Variants in TBC1D19 observed in about 807,000 individuals in gnomAD.
TBC1D19 encodes the protein TBC1 domain family, member 19.
TBC1D19 carries 60 observed loss-of-function variants against 89.0 expected under a neutral mutation model. That is an observed-to-expected ratio of 0.67 (90% confidence interval 0.55 to 0.84). The LOEUF is 0.84. Among genes scored for constraint, TBC1D19 ranks in the 40% least tolerant of loss-of-function variants. TBC1D19 has a pLI of 0.00. For missense variants in TBC1D19, 500 were observed against 610.8 expected (o/e 0.82, Z 1.91); for synonymous variants, 189 against 199.7 (o/e 0.95, Z 0.45).
chr4:26,836,749 T>G, the TBC1D19 span, among the ~76,000 whole-genome samples: 1 of 152,186 alleles, frequency 6.6e-6, no homozygotes, highest in African/African-American at 2.4e-5. Flanking sequence ...GCAGCAGCTT[T>G]CCAGCAGTTC....
intron 19 of TBC1D19, among the ~76,000 whole-genome samples, chr4:26,752,417 A>T (rs1194216795): frequency 7.3e-5 from 11 of 151,544 alleles, no homozygotes. Context: ...CTTATTTTTT[A>T]AATTTTTTGT....
At chr4:26,793,356 C>T in the TBC1D19 span, among the ~76,000 whole-genome samples, 209 of 152,268 alleles carry the variant, frequency 1.4e-3, 1 homozygote, top group African/African-American at 4.9e-3. Flanking sequence ...GTTTATTTGC[C>T]CACATAACTA....
chr4:26,750,632 C>T (rs551645528), intron 19 of TBC1D19, among the ~76,000 whole-genome samples: 17 of 152,164 alleles, frequency 1.1e-4, no homozygotes, highest in South Asian at 1.0e-3. Flanking sequence ...TTAATAAAAA[C>T]GTTACTGAAG....
chr4:26,606,054 G>A (rs1293689428), intron 1 of TBC1D19, among the ~76,000 whole-genome samples: 1 of 152,156 alleles, frequency 6.6e-6, no homozygotes, highest in Non-Finnish European at 1.5e-5. Context: ...TCACTGTGTT[G>A]CCCAGGTTGG....
At chr4:26,708,024 A>G (rs1715868934) in intron 13 of TBC1D19, among the ~76,000 whole-genome samples, 2 of 152,092 alleles carry the variant, frequency 1.3e-5, no homozygotes, top group African/African-American at 4.8e-5. Context: ...CAAAAAATGG[A>G]GTTACAAACC....
intron 11 of TBC1D19, among the ~76,000 whole-genome samples, chr4:26,680,907 A>AT (rs1262267456): frequency 6.6e-6 from 1 of 151,928 alleles, no homozygotes; most frequent in Admixed American, 6.6e-5. Context: ...TATTCTATTC[A>AT]TTTTCCCTGA....
At chr4:26,814,635 C>T in the TBC1D19 span, among the ~76,000 whole-genome samples, 1 of 152,236 alleles carries the variant, frequency 6.6e-6, no homozygotes, top group African/African-American at 2.4e-5. Flanking sequence ...CTTTTCCATC[C>T]TCTGCCATTC....
At chr4:26,747,734 T>A (rs1718728439) in intron 18 of TBC1D19, among the ~76,000 whole-genome samples, 1 of 152,208 alleles carries the variant, frequency 6.6e-6, no homozygotes, top group South Asian at 2.1e-4. Flanking sequence ...CAGAGATAAA[T>A]TGTTATTGTA....
At chr4:26,793,804 A>T in the TBC1D19 span, among the ~76,000 whole-genome samples, 3 of 151,944 alleles carry the variant, frequency 2.0e-5, no homozygotes, top group Non-Finnish European at 2.9e-5. Flanking sequence ...CTTCATTCTC[A>T]GACTGGTTCT....
intron 15 of TBC1D19, among the ~76,000 whole-genome samples, chr4:26,725,731 C>T (rs988526341): frequency 3.3e-5 from 5 of 152,102 alleles, no homozygotes; most frequent in African/African-American, 7.2e-5. Context: ...TACTTCTAAA[C>T]GATCATCCTG....
At chr4:26,850,771 C>T in the TBC1D19 span, among the ~76,000 whole-genome samples, 38 of 152,174 alleles carry the variant, frequency 2.5e-4, no homozygotes, top group African/African-American at 7.9e-4. Context: ...GGTTAAGCCG[C>T]CCAGTCTGTG....
At chr4:26,849,402 C>T in the TBC1D19 span, among the ~76,000 whole-genome samples, 1 of 152,148 alleles carries the variant, frequency 6.6e-6, no homozygotes, top group Non-Finnish European at 1.5e-5. Context: ...TTTCCTTCTT[C>T]TTTTTCTGGT....
At chr4:26,822,581 G>C in the TBC1D19 span, among the ~76,000 whole-genome samples, 1 of 152,160 alleles carries the variant, frequency 6.6e-6, no homozygotes, top group Admixed American at 6.5e-5. Context: ...AAGGCTGCCA[G>C]TGGACTATGT....
At chr4:26,811,709 T>C in the TBC1D19 span, among the ~76,000 whole-genome samples, 8 of 152,356 alleles carry the variant, frequency 5.3e-5, no homozygotes, top group African/African-American at 1.9e-4. Flanking sequence ...CTTGATGATA[T>C]GCTAAACAAG....
In TBC1D19 at chr4:26,589,904, G is replaced by A. The variant is rs575660531; in HGVS notation, c.99+5612G>A. ...TTGTCCTGCAGTGGCAGCCTATCTC[G>A]TTTTGCACACCTGTGCCACCAGAGT... On this transcript the variant is annotated intron_variant, in intron 1 of 20. Coordinates refer to ENST00000264866, the MANE Select transcript of TBC1D19 (RefSeq NM_018317.4). Among the ~76,000 whole-genome samples, 191 of 152,130 alleles carry A rather than the reference G, an allele frequency of 1.3e-3. 1 individual carries two copies. The highest frequency in any genetic ancestry group is 2.1e-3 in the Non-Finnish European group (142 of 68,024).
At chr4:26,842,320 T>TTTTTCTTTTCTTTTC in the TBC1D19 span, among the ~76,000 whole-genome samples, 1 of 135,960 alleles carries the variant, frequency 7.4e-6, no homozygotes, top group Non-Finnish European at 1.6e-5. Context: ...CTTGTTTTCC[T>TTTTTCTTTTCTTTTC]TTTTCTTTTC....
intron 1 of TBC1D19, among the ~76,000 whole-genome samples, chr4:26,587,369 C>T (rs185005392): frequency 9.2e-4 from 140 of 152,016 alleles, no homozygotes; most frequent in African/African-American, 3.1e-3. Context: ...CTTGAGCTCA[C>T]GAGTTTGAGA....
intron 1 of TBC1D19, among the ~76,000 whole-genome samples, chr4:26,599,977 A>C (rs941064639): frequency 2.2e-5 from 3 of 136,504 alleles, no homozygotes; most frequent in African/African-American, 5.4e-5. Context: ...AAAAAAAAAG[A>C]ATTTGCTCAC....
intron 7 of TBC1D19, among the ~76,000 whole-genome samples, chr4:26,645,381 C>T (rs1743846147): frequency 6.6e-6 from 1 of 152,130 alleles, no homozygotes; most frequent in Admixed American, 6.5e-5. Context: ...CTTTGACAAA[C>T]CTGACAAAAA....
Sources: gnomAD v4.1 joint callset for allele counts (sites outside exome capture counted in the v4.1 genomes callset) on GRCh38, gnomAD v4.1.1 for gene constraint, MANE v1.5 for transcripts, NCBI Gene and HGNC (gene_info 2026-07-23, HGNC 2026-07-21) for gene names.